Variants in PCSK6 observed in about 807,000 individuals in gnomAD.
PCSK6 encodes the protein paired basic amino acid cleaving enzyme 4.
Under a neutral mutation model 123.3 loss-of-function variants are expected in PCSK6, and 85 were observed. The ratio of observed to expected loss-of-function variants is 0.69; its 90% CI spans 0.58 to 0.83. The LOEUF (loss-of-function observed/expected upper bound fraction) is 0.83. Ranked by LOEUF, PCSK6 falls within the 40% of genes least tolerant of loss-of-function variation. The pLI is 0.00. For synonymous variants in PCSK6, 508 were observed against 516.0 expected (o/e 0.98, Z 0.21); for missense variants, 1,191 against 1,282.3 (o/e 0.93, Z 1.09).
chr15:101,371,662 C>T (rs536269097), intron 11 of PCSK6, among the ~76,000 whole-genome samples: 8 of 152,212 alleles, frequency 5.3e-5, no homozygotes, highest in South Asian at 2.1e-4. Context: ...GTAGCTAATG[C>T]GGGGAGGAGC....
Position 101,489,584 on chromosome 15 carries a change from G to T in PCSK6, c.87C>A (p.Gly29=). The T allele has an allele frequency of 5.1e-6, 5 of 974,646 alleles. No individual in the cohort carries two copies. The highest frequency in any genetic ancestry group is 6.1e-6 in the Non-Finnish European group (5 of 824,650). The allele number at this position is 974,646 out of a possible 1,614,324, so 60.4% of individuals were successfully genotyped here. The change falls in exon 1 of 22, where the codon GGC becomes GGA. Residue 29 remains glycine (G), a synonymous_variant. Coordinates refer to ENST00000611716, the MANE Select transcript of PCSK6 (RefSeq NM_002570.5). ...CGCCGGCGCCCCCCGCGCCCCCCGC[G>T]CCCCCCGCGCCCGCGGCGGTGTCGG... ...AATDTAAGAG[G]AGGAGGAGGP...
At chr15:101,312,956 G>A (rs1366593592) in intron 20 of PCSK6, 4 of 941,502 alleles carry the variant, frequency 4.2e-6, no homozygotes, top group Admixed American at 4.7e-5. Context: ...AGTGAGCTGA[G>A]GTCACACCAG....
At chr15:101,401,232 C>T (rs2042575144) in intron 6 of PCSK6, among the ~76,000 whole-genome samples, 1 of 152,226 alleles carries the variant, frequency 6.6e-6, no homozygotes, top group African/African-American at 2.4e-5. Context: ...CAGTGTCAGC[C>T]ACGTGGGCGT....
At chr15:101,364,540 A>G (rs1275392277) in intron 13 of PCSK6, among the ~76,000 whole-genome samples, 2 of 152,250 alleles carry the variant, frequency 1.3e-5, no homozygotes, top group Non-Finnish European at 2.9e-5. Context: ...AAAAATTAAG[A>G]AAACCATTCC....
intron 1 of PCSK6, among the ~76,000 whole-genome samples, chr15:101,457,550 A>G (rs2057220755): frequency 1.3e-5 from 2 of 152,264 alleles, no homozygotes; most frequent in Admixed American, 1.3e-4. Context: ...GTGCATTGCA[A>G]TAAAGCTAGT....
intron 6 of PCSK6, among the ~76,000 whole-genome samples, chr15:101,416,670 T>C (rs72772614): frequency 6.6e-5 from 10 of 152,320 alleles, no homozygotes; most frequent in Non-Finnish European, 1.5e-4. Flanking sequence ...CCTCGTACTG[T>C]ATGCAGCCTA....
chr15:101,399,255 T>G (rs1384286926), intron 6 of PCSK6, among the ~76,000 whole-genome samples: 1 of 152,230 alleles, frequency 6.6e-6, no homozygotes, highest in Non-Finnish European at 1.5e-5. Flanking sequence ...TCCCAGCTGT[T>G]GAGAGTTCAC....
chr15:101,441,440 C>A (rs559241794), intron 2 of PCSK6, among the ~76,000 whole-genome samples: 1 of 152,096 alleles, frequency 6.6e-6, no homozygotes, highest in African/African-American at 2.4e-5. Context: ...GAGAACTCAG[C>A]AACACAGAGA....
chr15:101,439,423 G>A (rs2056696149), intron 2 of PCSK6, among the ~76,000 whole-genome samples: 1 of 152,238 alleles, frequency 6.6e-6, no homozygotes, highest in Non-Finnish European at 1.5e-5. Context: ...AACCAGCTGG[G>A]TGGTGCTGAA....
At chr15:101,383,727 G>A (rs2041974320) in intron 10 of PCSK6, among the ~76,000 whole-genome samples, 1 of 152,162 alleles carries the variant, frequency 6.6e-6, no homozygotes, top group African/African-American at 2.4e-5. Flanking sequence ...TCAGGGCTAA[G>A]GATGCAAGCT....
intron 2 of PCSK6, among the ~76,000 whole-genome samples, chr15:101,437,484 C>T (rs970086709): frequency 1.3e-5 from 2 of 152,170 alleles, no homozygotes; most frequent in Non-Finnish European, 2.9e-5. Context: ...CCCCCACCAC[C>T]ACCTCCCGTG....
rs2056972784 is a variant in PCSK6, at chr15:101,449,309, C to T, written c.298-5649G>A. Among the ~76,000 whole-genome samples the T allele has an allele frequency of 2.6e-5, 4 of 152,160 alleles. No individual in the cohort carries two copies. In the South Asian group the frequency reaches 8.3e-4, roughly 32 times the overall value. On this transcript the variant is annotated intron_variant, in intron 1 of 21. Transcript: ENST00000611716. ...AAAAATGACAAGAAAATAGTTTCTA[C>T]ATCCACCATACATTTTTTTTTCATG...
At position 101,370,507 on chromosome 15, in the gene PCSK6, G is replaced by A; in HGVS notation, c.1549C>T (p.Gln517Ter). 1 of 1,507,240 alleles carries A rather than the reference G, an allele frequency of 6.6e-7. No homozygotes were observed. The highest frequency in any genetic ancestry group is 8.9e-7 in the Non-Finnish European group (1 of 1,120,940). The allele number at this position is 1,507,240 out of a possible 1,614,324, so 93.4% of individuals were successfully genotyped here. The change falls in exon 12 of 22, where the codon CAG (glutamine) becomes TAG (stop). Residue 517 changes from glutamine to a stop codon, truncating the protein, a stop_gained. Coordinates refer to ENST00000611716, the MANE Select transcript of PCSK6 (RefSeq NM_002570.5). LOFTEE classifies it high-confidence loss of function. Reference protein sequence around the residue: ...DKRPRSIPLVQVLRTTALTSA... With the variant: ...DKRPRSIPLV ...GTCAGGGCCGTAGTCCGCAGCACCT[G>A]CACTAAGGGGATGCTCCTGGGGGAG...
chr15:101,456,494 C>T (rs541787821), intron 1 of PCSK6, among the ~76,000 whole-genome samples: 121 of 152,288 alleles, frequency 7.9e-4, no homozygotes, highest in African/African-American at 2.7e-3. Context: ...GCTGCTCGAG[C>T]CAGGTATTTT....
intron 15 of PCSK6, 141 bp downstream of exon 15, chr15:101,331,510 A>C (rs1199845805): frequency 5.5e-6 from 4 of 731,174 alleles, no homozygotes; most frequent in East Asian, 2.7e-5. Context: ...CTGAGCTGTG[A>C]GATGGGGGCC....
chr15:101,409,268 C>T (rs113768536), intron 6 of PCSK6, among the ~76,000 whole-genome samples: 1,555 of 139,238 alleles, frequency 0.011, 53 homozygotes, highest in African/African-American at 0.04. Flanking sequence ...CCATCCTGGC[C>T]AACATGGTGA....
At chr15:101,347,119 A>G (rs1189617385) in intron 13 of PCSK6, 58 of 1,231,820 alleles carry the variant, frequency 4.7e-5, no homozygotes, top group Non-Finnish European at 5.4e-5. Flanking sequence ...GTGATACTCT[A>G]TAATTGCACT....
At chr15:101,388,863 G>A (rs2042146935) in intron 9 of PCSK6, among the ~76,000 whole-genome samples, 1 of 152,220 alleles carries the variant, frequency 6.6e-6, no homozygotes, top group African/African-American at 2.4e-5. Context: ...CATAGAGACA[G>A]AAAGTAGAAT....
chr15:101,356,505 CAAAAAAAAAA>C (rs34350017), intron 13 of PCSK6, among the ~76,000 whole-genome samples: 9 of 86,248 alleles, frequency 1.0e-4, no homozygotes, highest in Non-Finnish European at 1.4e-4. Flanking sequence ...ACTAAAACTA[CAAAAAAAAAA>C]AAAAAAAAAA....
Sources: gnomAD v4.1 joint callset for allele counts (sites outside exome capture counted in the v4.1 genomes callset) on GRCh38, gnomAD v4.1.1 for gene constraint, MANE v1.5 for transcripts, NCBI Gene and HGNC (gene_info 2026-07-23, HGNC 2026-07-21) for gene names.